The following CCDC171 variants were observed in gnomAD, a reference collection of about 807,000 sequenced individuals.
CCDC171 encodes coiled-coil domain containing 171.
A neutral mutation model predicts 168.2 loss-of-function variants in CCDC171; 177 were observed. The observed-to-expected ratio is 1.05, with a 90% CI of 0.93 to 1.19. CCDC171 has a LOEUF of 1.19. Ranked by LOEUF, CCDC171 falls within the 50% of genes most tolerant of loss-of-function variation. The pLI, the probability that CCDC171 is intolerant of heterozygous loss-of-function variation, is 0.00. For synonymous variants in CCDC171, 687 were observed against 540.8 expected, an observed-to-expected ratio of 1.27 and a Z score of -3.75; for missense variants, 1,991 against 1,539.0, an observed-to-expected ratio of 1.29 and a Z score of -4.91.
chr9:16,010,504 C>A (rs994021607), intron 3 of CCDC171, among the ~76,000 whole-genome samples: 1 of 152,056 alleles, frequency 6.6e-6, no homozygotes. Flanking sequence ...GGAAGCAGAG[C>A]AGCTCAGCCC....
chr9:16,085,902 A>G, the CCDC171 span, among the ~76,000 whole-genome samples: 1 of 152,198 alleles, frequency 6.6e-6, no homozygotes, highest in African/African-American at 2.4e-5. Context: ...TTGCCTTTTT[A>G]TCAGGAATAT....
intron 10 of CCDC171, among the ~76,000 whole-genome samples, chr9:15,692,367 C>A (rs2050864443): frequency 6.8e-6 from 1 of 147,328 alleles, no homozygotes; most frequent in African/African-American, 2.5e-5. Flanking sequence ...TCTGTCTCTT[C>A]AAAAAAAAAA....
At position 15,745,549 on chromosome 9, in the gene CCDC171, G is replaced by A. The variant is rs779832218; in HGVS notation, c.2589G>A (p.Ala863=). The A allele has an allele frequency of 9.4e-6, 15 of 1,587,442 alleles. No homozygotes were observed. Among genetic ancestry groups the A allele is most frequent in the East Asian group, 7.0e-5 (3 of 42,710 alleles). The part of the protein sequence containing the change: ...HQKEQLRCLQ[A]LSWLTSSDLL... ...AGGAGCAGTTGCGTTGTTTACAAGC[G>A]CTCAGTTGGCTCACCAGTTCTGACC... is the stretch of plus-strand genomic sequence containing the variant. The change falls in exon 18 of 26, where the codon GCG becomes GCA. Residue 863 remains alanine, a synonymous_variant. Transcript: ENST00000380701.
chr9:15,995,159 C>G (rs1185712862), intron 3 of CCDC171, among the ~76,000 whole-genome samples: 1 of 152,170 alleles, frequency 6.6e-6, no homozygotes, highest in Non-Finnish European at 1.5e-5. Flanking sequence ...TATTTACTCT[C>G]AATTGTTCTA....
At chr9:16,090,923 T>C in the CCDC171 span, among the ~76,000 whole-genome samples, 1 of 152,222 alleles carries the variant, frequency 6.6e-6, no homozygotes, top group Non-Finnish European at 1.5e-5. Context: ...AGTTGAGACA[T>C]GTGTCCTGGT....
At chr9:15,625,356 A>G (rs2044974773) in intron 7 of CCDC171, among the ~76,000 whole-genome samples, 1 of 152,136 alleles carries the variant, frequency 6.6e-6, no homozygotes. Context: ...TTTTGTTGCC[A>G]TTGCTTTTGG....
chr9:15,636,798 A>G (rs900546527), intron 7 of CCDC171, among the ~76,000 whole-genome samples: 3 of 151,106 alleles, frequency 2.0e-5, no homozygotes, highest in African/African-American at 7.3e-5. Flanking sequence ...AATGTTCTGA[A>G]TATTAGAATT....
intron 6 of CCDC171, among the ~76,000 whole-genome samples, chr9:15,596,793 C>A (rs1238305437): frequency 1.3e-5 from 2 of 152,014 alleles, no homozygotes; most frequent in African/African-American, 4.8e-5. Flanking sequence ...AATGTTCTTC[C>A]ATTTGTTTGT....
At chr9:15,810,681 C>G (rs565111533) in intron 21 of CCDC171, among the ~76,000 whole-genome samples, 1 of 152,202 alleles carries the variant, frequency 6.6e-6, no homozygotes, top group East Asian at 1.9e-4. Flanking sequence ...CCGGCAGTGC[C>G]GGCTGGCTGC....
At chr9:16,020,054 C>A (rs1288000826) in intron 3 of CCDC171, among the ~76,000 whole-genome samples, 3 of 152,212 alleles carry the variant, frequency 2.0e-5, no homozygotes, top group African/African-American at 7.2e-5. Flanking sequence ...GTAGTACTGA[C>A]CTCTCTACTG....
At chr9:15,703,443 C>G (rs1272470166) in intron 11 of CCDC171, among the ~76,000 whole-genome samples, 2 of 152,210 alleles carry the variant, frequency 1.3e-5, no homozygotes, top group African/African-American at 4.8e-5. Context: ...TGATAACCAC[C>G]ATTCTTCTCT....
rs578171141 is a variant in CCDC171 at position 15,699,256 on chromosome 9, C to T, written c.1318+3919C>T. On this transcript the variant is annotated intron_variant, in intron 11 of 25. Transcript: ENST00000380701. ...TTAAGGTGGCGCGTCTGGAGTTGTT[C>T]GTTCCTCCCGGTGGGCTCGTGGGCT... Among the ~76,000 whole-genome samples, 10 of 152,020 alleles carry T rather than the reference C, an allele frequency of 6.6e-5. No individual in the cohort carries two copies. The South Asian group carries it at 1.3e-3, about 19-fold the overall frequency.
intron 7 of CCDC171, among the ~76,000 whole-genome samples, chr9:15,631,134 A>G (rs2045651953): frequency 1.3e-5 from 2 of 152,160 alleles, no homozygotes; most frequent in Admixed American, 6.5e-5. Flanking sequence ...GAGCAAACAC[A>G]TTCAAAAGCT....
chr9:15,634,095 C>T (rs1003318231), intron 7 of CCDC171, among the ~76,000 whole-genome samples: 54 of 152,194 alleles, frequency 3.5e-4, no homozygotes, highest in African/African-American at 1.2e-3. Flanking sequence ...TTAATGGGTG[C>T]AGCGCACCAG....
intron 21 of CCDC171, among the ~76,000 whole-genome samples, chr9:15,796,743 G>C (rs1021660189): frequency 5.9e-5 from 9 of 152,088 alleles, no homozygotes; most frequent in Non-Finnish European, 2.9e-5. Context: ...ACAGTGGTCT[G>C]AGCTCCCTCC....
chr9:15,922,273 A>G (rs1825430078), intron 25 of CCDC171: 1 of 229,726 alleles, frequency 4.4e-6, no homozygotes, highest in South Asian at 5.1e-5. Context: ...CTTTTCCCTT[A>G]GTTGAGAATC....
intron 23 of CCDC171, among the ~76,000 whole-genome samples, chr9:15,871,710 GT>G (rs2062045718): frequency 6.6e-6 from 1 of 151,828 alleles, no homozygotes; most frequent in Non-Finnish European, 1.5e-5. Flanking sequence ...CTTTCTTACT[GT>G]TCTGTGTTGA....
chr9:15,850,886 A>T (rs920199623), intron 23 of CCDC171, among the ~76,000 whole-genome samples: 1 of 152,030 alleles, frequency 6.6e-6, no homozygotes, highest in Non-Finnish European at 1.5e-5. Flanking sequence ...ATATGGATAC[A>T]TCCAAACTCT....
At chr9:16,058,396 ACAGCAGGTATG>A (rs1384825437) in intron 1 of CCDC171, among the ~76,000 whole-genome samples, 2 of 152,052 alleles carry the variant, frequency 1.3e-5, no homozygotes. Flanking sequence ...CCCTGCAGTG[ACAGCAGGTATG>A]CTGCAGGTAT....
Sources: allele counts gnomAD v4.1 joint callset (sites outside exome capture counted in the v4.1 genomes callset), GRCh38; gene constraint gnomAD v4.1.1; transcripts MANE v1.5; gene names NCBI Gene and HGNC (gene_info 2026-07-23, HGNC 2026-07-21).